DLEC1: variants seen among roughly 807,000 people sequenced by gnomAD.
DLEC1 encodes the protein DLEC1 cilia and flagella associated protein.
In DLEC1, 146 loss-of-function variants were observed where a neutral mutation model predicts 198.1. The observed-to-expected ratio is 0.74, with a 90% CI of 0.64 to 0.85. The LOEUF is 0.85. Among genes scored for constraint, DLEC1 ranks in the 40% least tolerant of loss-of-function variants. DLEC1 has a pLI of 0.00. For missense variants in DLEC1, 2,233 were observed against 2,220.0 expected, an observed-to-expected ratio of 1.01 and a Z score of -0.12; for synonymous variants, 897 against 866.8, an observed-to-expected ratio of 1.03 and a Z score of -0.61.
intron 12 of DLEC1, 130 bp downstream of exon 12, chr3:38,093,897 A>G: frequency 8.3e-7 from 1 of 1,207,590 alleles, no homozygotes; most frequent in Admixed American, 2.3e-5. Flanking sequence ...ATCCAAATTC[A>G]ATTGAGGGAT....
At chr3:38,061,109 A>C (rs752180211) in intron 3 of DLEC1, among the ~76,000 whole-genome samples, 12 of 152,208 alleles carry the variant, frequency 7.9e-5, no homozygotes, top group Non-Finnish European at 1.5e-4. Context: ...TATCCATTTG[A>C]TTGCATTCTT....
intron 6 of DLEC1, among the ~76,000 whole-genome samples, chr3:38,082,355 G>A (rs1180540230): frequency 1.4e-5 from 2 of 147,856 alleles, no homozygotes; most frequent in Non-Finnish European, 3.0e-5. Flanking sequence ...CAGACGATGG[G>A]CGGCCAGGCA....
At chr3:38,117,338 C>A in intron 31 of DLEC1, 36 bp downstream of exon 31, 1 of 1,610,164 alleles carries the variant, frequency 6.2e-7, no homozygotes, top group East Asian at 2.2e-5. Flanking sequence ...CCTTTCATCC[C>A]CATGGGGTGC....
chr3:38,074,760 T>G (rs1030761605), intron 6 of DLEC1, among the ~76,000 whole-genome samples: 2 of 152,132 alleles, frequency 1.3e-5, no homozygotes, highest in African/African-American at 4.8e-5. Flanking sequence ...AGGGTAGAAG[T>G]CAGGATGACA....
At chr3:38,103,432 TCTC>T (rs1295588312) in intron 19 of DLEC1, 4 of 152,396 alleles carry the variant, frequency 2.6e-5, no homozygotes, top group South Asian at 2.1e-4. Context: ...GCAGTTTTGT[TCTC>T]CTCTGTTTTA....
chr3:38,122,148 A>C lies in DLEC1; in HGVS notation c.5098A>C (p.Asn1700His). The change falls in exon 36 of 37, where the codon AAT (asparagine) becomes CAT (histidine). Residue 1700 changes from asparagine to histidine, a missense_variant. Asn to His is a moderately conservative substitution (Grantham distance 68). Coordinates refer to ENST00000308059, the MANE Select transcript of DLEC1 (RefSeq NM_007335.4). ...NSGLLEARSANAPPTSIALQV... is the reference protein window; with the variant it reads ...NSGLLEARSAHAPPTSIALQV... Reference sequence around the variant, plus strand: ...TGGGCTGCTAGAAGCACGATCCGCCAATGCACCCCCAACCTCCATCGCCTT... The same window carrying C: ...TGGGCTGCTAGAAGCACGATCCGCCCATGCACCCCCAACCTCCATCGCCTT... The C allele has an allele frequency of 6.2e-7, 1 of 1,614,072 alleles. No individual in the cohort carries two copies.
chr3:38,077,122 G>C (rs1697668930), intron 6 of DLEC1, among the ~76,000 whole-genome samples: 1 of 152,212 alleles, frequency 6.6e-6, no homozygotes, highest in African/African-American at 2.4e-5. Context: ...GCATAGTCCT[G>C]CCAGCAAAGA....
At chr3:38,101,314 G>A (rs1464382699) in intron 19 of DLEC1, among the ~76,000 whole-genome samples, 1 of 152,114 alleles carries the variant, frequency 6.6e-6, no homozygotes, top group Non-Finnish European at 1.5e-5. Context: ...AATTAGCCAG[G>A]TATGGTGGTG....
chr3:38,063,246 C>T (rs1696793125), intron 5 of DLEC1, among the ~76,000 whole-genome samples: 1 of 152,080 alleles, frequency 6.6e-6, no homozygotes, highest in Admixed American at 6.6e-5. Flanking sequence ...TTTTAGTAAG[C>T]CTAAAACTAT....
chr3:38,045,746 T>C (rs1422113646), intron 2 of DLEC1, 53 bp downstream of exon 2: 1 of 1,546,408 alleles, frequency 6.5e-7, no homozygotes, highest in East Asian at 2.3e-5. Flanking sequence ...TGTTGATATT[T>C]CACTGTGTTT....
At chr3:38,084,979 A>G (rs183169864) in intron 7 of DLEC1, among the ~76,000 whole-genome samples, 1 of 152,188 alleles carries the variant, frequency 6.6e-6, no homozygotes, top group African/African-American at 2.4e-5. Flanking sequence ...AGAAATCTCA[A>G]AAGTTTCTCT....
intron 23 of DLEC1, 47 bp downstream of exon 23, chr3:38,110,328 G>T (rs756265620): frequency 6.2e-7 from 1 of 1,605,972 alleles, no homozygotes; most frequent in African/African-American, 1.3e-5. Context: ...AGCTGGATGG[G>T]GTGTACCCTG....
rs1559400215 is a variant in DLEC1, at chr3:38,056,105, AC to A, written c.563-3636del. Reference sequence around the variant, plus strand: ...CACACACACACACACACACACACACACACACACACACAAATAGCTGAGTGTG... The same window carrying A: ...CACACACACACACACACACACACACAACACACACACAAATAGCTGAGTGTG... On this transcript the variant is annotated intron_variant, in intron 2 of 36. Coordinates refer to ENST00000308059, the MANE Select transcript of DLEC1 (RefSeq NM_007335.4). 7.9e-4 allele frequency among the ~76,000 whole-genome samples: 111 copies of A among 140,492 alleles called. 1 individual carries two copies. Among genetic ancestry groups the A allele is most frequent in the African/African-American group, 3.0e-3 (104 of 34,360 alleles). 92.2% of individuals were successfully genotyped at this position (140,492 alleles called of 152,430 possible).
At position 38,116,592 on chromosome 3, in the gene DLEC1, T is replaced by C. The variant is rs745370401; in HGVS notation, c.3996T>C (p.Gly1332=). The change falls in exon 28 of 37, where the codon GGT becomes GGC. Residue 1332 remains glycine (G), a synonymous_variant. Transcript: ENST00000308059. ...TTGTGTGCCCTGATACCCCTGAGGG[T>C]GGCTGCCTCCTCTGGTCCCCAGGCC... ...NELVCPDTPE[G]GCLLWSPGPS... 2 of 1,614,024 alleles carry C rather than the reference T, an allele frequency of 1.2e-6. No individual in the cohort carries two copies. The highest frequency in any genetic ancestry group is 1.7e-6 in the Non-Finnish European group (2 of 1,179,958).
In DLEC1 at chr3:38,095,173, G is replaced by A. The variant is rs538123001; in HGVS notation, c.2112+102G>A. On this transcript the variant is annotated intron_variant, in intron 13 of 36. Coordinates refer to ENST00000308059, the MANE Select transcript of DLEC1 (RefSeq NM_007335.4). ...CACTGAAGCCACAGCTGGGCCCACC[G>A]AGGTGCTATCCTGCCCAGGCCAGCA... is the stretch of plus-strand genomic sequence containing the variant. 1.4e-4 allele frequency: 199 copies of A among 1,450,594 alleles called. 2 individuals carry two copies. In the Middle Eastern group the frequency reaches 2.9e-3, roughly 21 times the overall value. 89.9% of individuals were successfully genotyped at this position (1,450,594 alleles called of 1,614,324 possible). A position where few individuals can be genotyped will look rare whatever the true frequency, so the allele number is the denominator to read the frequency against.
rs146294226 is a variant in DLEC1, at chr3:38,101,871, A to G, written c.2864+1446A>G. Among the ~76,000 whole-genome samples the G allele has an allele frequency of 3.5e-4, 53 of 152,318 alleles. 1 individual carries two copies. In the East Asian group the frequency reaches 7.1e-3, roughly 21 times the overall value. On this transcript the variant is annotated intron_variant, in intron 19 of 36. Coordinates refer to ENST00000308059, the MANE Select transcript of DLEC1 (RefSeq NM_007335.4). The stretch of plus-strand genomic sequence containing the variant: ...CTGCAGCTCAGGGGAAGGGCTTTCT[A>G]TTAAGTCTGTGCTTATTTCCTTTCC...
intron 10 of DLEC1, 138 bp downstream of exon 10, chr3:38,088,526 T>A: frequency 1.4e-6 from 1 of 737,772 alleles, no homozygotes; most frequent in Non-Finnish European, 2.2e-6. Context: ...ATTCTTGCAT[T>A]CTGTAGGGTG....
chr3:38,043,010 G>A (rs766342162), intron 1 of DLEC1, among the ~76,000 whole-genome samples: 101 of 152,194 alleles, frequency 6.6e-4, no homozygotes, highest in African/African-American at 2.4e-3. Flanking sequence ...TCACTATTCC[G>A]TATGAGTGTC....
chr3:38,041,181 T>C (rs887122881), intron 1 of DLEC1, among the ~76,000 whole-genome samples: 4 of 152,104 alleles, frequency 2.6e-5, no homozygotes, highest in Admixed American at 6.6e-5. Flanking sequence ...TTTTTGTATT[T>C]TTAGTAGAGA....
Sources: allele counts gnomAD v4.1 joint callset (sites outside exome capture counted in the v4.1 genomes callset), GRCh38; gene constraint gnomAD v4.1.1; transcripts MANE v1.5; gene names NCBI Gene and HGNC (gene_info 2026-07-23, HGNC 2026-07-21).